Variants in ITGAV observed in about 807,000 individuals in gnomAD.
The protein encoded by ITGAV is integrin alpha-V.
In ITGAV, 76 loss-of-function variants were observed where a neutral mutation model predicts 143.8. The observed-to-expected ratio is 0.53, with a 90% CI of 0.44 to 0.64. ITGAV has a LOEUF of 0.64. Ranked by LOEUF, ITGAV falls within the 30% of genes least tolerant of loss-of-function variation. ITGAV has a pLI of 0.00. For missense variants in ITGAV, 1,193 were observed against 1,274.7 expected, an observed-to-expected ratio of 0.94 and a Z score of 0.98; for synonymous variants, 453 against 446.7, an observed-to-expected ratio of 1.01 and a Z score of -0.18.
intron 5 of ITGAV, 29 bp from the exon 6 acceptor site, chr2:186,633,300 A>G: frequency 1.4e-6 from 2 of 1,475,646 alleles, no homozygotes; most frequent in Non-Finnish European, 1.9e-6. Context: ...CTTTAAATAT[A>G]TATCTTTTTG....
At chr2:186,625,651 ATGTGTGTGTGGG>A in intron 4 of ITGAV, 64 bp downstream of exon 4, 2 of 701,776 alleles carry the variant, frequency 2.8e-6, no homozygotes, top group Non-Finnish European at 4.6e-6. Flanking sequence ...TGTTAAAAAT[ATGTGTGTGTGGG>A]TGTGTGTGTG....
intron 26 of ITGAV, among the ~76,000 whole-genome samples, chr2:186,673,283 A>T (rs558183883): frequency 2.0e-5 from 3 of 152,368 alleles, no homozygotes; most frequent in South Asian, 4.1e-4. Context: ...CTATATGTAT[A>T]TCCTTAATAC....
intron 14 of ITGAV, among the ~76,000 whole-genome samples, chr2:186,650,374 A>G (rs1189760499): frequency 6.6e-6 from 1 of 151,772 alleles, no homozygotes; most frequent in Non-Finnish European, 1.5e-5. Flanking sequence ...TAATTTTTGT[A>G]TTTTTAGTAG....
chr2:186,650,351 C>G (rs950832446), intron 14 of ITGAV, among the ~76,000 whole-genome samples: 12 of 152,122 alleles, frequency 7.9e-5, no homozygotes, highest in African/African-American at 2.9e-4. Context: ...CAGGCACATG[C>G]TACCACACCG....
chr2:186,641,260 C>A, intron 11 of ITGAV, 126 bp from the exon 12 acceptor site: 1 of 696,636 alleles, frequency 1.4e-6, no homozygotes, highest in Non-Finnish European at 2.5e-6. Context: ...CTCTGGTAAT[C>A]ATTTTGTGTT....
In ITGAV at chr2:186,593,993, C is replaced by T. The variant is rs568917279; in HGVS notation, c.185+3470C>T. ...TGAATGACACTGGATTCTTGCCTTTCCCCCCATTAAACGCTAATGGAGCCT... is the reference window on the plus strand; with the variant it reads ...TGAATGACACTGGATTCTTGCCTTTTCCCCCATTAAACGCTAATGGAGCCT... On this transcript the variant is annotated intron_variant, in intron 1 of 29. Transcript: ENST00000261023. Among the ~76,000 whole-genome samples the T allele has an allele frequency of 9.2e-5, 14 of 152,178 alleles. No homozygotes were observed. In the East Asian group the frequency reaches 1.5e-3, roughly 17 times the overall value.
At chr2:186,658,334 A>G (rs1158735466) in intron 17 of ITGAV, among the ~76,000 whole-genome samples, 1 of 152,178 alleles carries the variant, frequency 6.6e-6, no homozygotes, top group Non-Finnish European at 1.5e-5. Context: ...CATTTAAACA[A>G]AGTCCACCAA....
chr2:186,665,095 C>CTT, intron 20 of ITGAV, 31 bp from the exon 21 acceptor site: 1 of 1,020,658 alleles, frequency 9.8e-7, no homozygotes, highest in Non-Finnish European at 1.4e-6. Context: ...CTTTCATATC[C>CTT]ATTTTTTTTT....
At chr2:186,638,359 G>GTT in intron 9 of ITGAV, 39 bp downstream of exon 9, 1 of 1,608,962 alleles carries the variant, frequency 6.2e-7, no homozygotes, top group Non-Finnish European at 8.5e-7. Context: ...AAATCTCTAA[G>GTT]TTATCTTCTA....
chr2:186,619,514 T>C (rs746223010), intron 2 of ITGAV, among the ~76,000 whole-genome samples: 5 of 152,022 alleles, frequency 3.3e-5, no homozygotes, highest in Non-Finnish European at 5.9e-5. Context: ...TTAAAAATAA[T>C]GTATTGTCTA....
At chr2:186,657,167 G>A (rs986875584) in intron 17 of ITGAV, among the ~76,000 whole-genome samples, 2 of 152,144 alleles carry the variant, frequency 1.3e-5, no homozygotes, top group African/African-American at 4.8e-5. Context: ...GGCCAAAGCA[G>A]GAGGATCACT....
At chr2:186,669,912 T>G in intron 26 of ITGAV, 98 bp downstream of exon 26, 1 of 772,578 alleles carries the variant, frequency 1.3e-6, no homozygotes, top group South Asian at 1.6e-5. Flanking sequence ...ACAGCTGTGC[T>G]TGAACAACTA....
chr2:186,641,343 T>G (rs201903858), intron 11 of ITGAV, 43 bp from the exon 12 acceptor site: 177 of 1,509,596 alleles, frequency 1.2e-4, no homozygotes, highest in Non-Finnish European at 1.4e-4. Context: ...TACTAAGACA[T>G]GAAATTTGTT....
intron 8 of ITGAV, 142 bp from the exon 9 acceptor site, chr2:186,638,135 A>T: frequency 1.5e-6 from 1 of 687,266 alleles, no homozygotes; most frequent in South Asian, 1.9e-5. Flanking sequence ...GCTATTTATT[A>T]CGGAGTACCA....
At chr2:186,656,839 C>T (rs542960115) in intron 17 of ITGAV, among the ~76,000 whole-genome samples, 8 of 152,218 alleles carry the variant, frequency 5.3e-5, no homozygotes, top group East Asian at 1.9e-4. Flanking sequence ...ACAGGAATTC[C>T]GACAGTTGTA....
intron 15 of ITGAV, 106 bp downstream of exon 15, chr2:186,652,195 T>G (rs1688454025): frequency 1.4e-6 from 1 of 693,086 alleles, no homozygotes; most frequent in Non-Finnish European, 2.5e-6. Flanking sequence ...TAAAACAGTT[T>G]CTGTGAGTAT....
intron 24 of ITGAV, among the ~76,000 whole-genome samples, chr2:186,668,198 ATATATATATATATATATATTT>A (rs1688956973): frequency 7.4e-5 from 1 of 13,534 alleles, no homozygotes; most frequent in African/African-American, 2.4e-4. Context: ...ATATATATAT[ATATATATATATATATATATTT>A]TTTTTTTTTT....
Position 186,662,788 on chromosome 2 carries a change from G to A in ITGAV, c.1858-980G>A, listed in dbSNP as rs1358279301. On this transcript the variant is annotated intron_variant, in intron 18 of 29. Coordinates refer to ENST00000261023, the MANE Select transcript of ITGAV (RefSeq NM_002210.5). The stretch of plus-strand genomic sequence containing the variant: ...TTTAAATATTGTTAAGGGCTGAACT[G>A]AGTTCCCCCAAAATGTGTATGTTGA... 1.3e-5 allele frequency among the ~76,000 whole-genome samples: 2 copies of A among 152,150 alleles called. 1 individual carries two copies. The highest frequency in any genetic ancestry group is 4.8e-5 in the African/African-American group (2 of 41,444).
chr2:186,640,829 C>A lies in ITGAV; in HGVS notation c.904-86C>A, dbSNP rs538327525. The A allele has an allele frequency of 1.7e-4, 174 of 1,048,490 alleles. No homozygotes were observed. The African/African-American group carries it at 2.4e-3, about 15-fold the overall frequency. The allele number at this position is 1,048,490 out of a possible 1,614,324, so 64.9% of individuals were successfully genotyped here. A position where few individuals can be genotyped will look rare whatever the true frequency, so the allele number is the denominator to read the frequency against. ...CACTATATGCAGAGAAAAAAAATAA[C>A]CCTATTTGGTACATATATTACAAAT... is the stretch of plus-strand genomic sequence containing the variant. On this transcript the variant is annotated intron_variant, in intron 10 of 29. Transcript: ENST00000261023.
Sources: allele counts gnomAD v4.1 joint callset (sites outside exome capture counted in the v4.1 genomes callset), GRCh38; gene constraint gnomAD v4.1.1; transcripts MANE v1.5; gene names NCBI Gene and HGNC (gene_info 2026-07-23, HGNC 2026-07-21).